EHBP1: variants seen among roughly 807,000 people sequenced by gnomAD.
EHBP1 encodes the protein EH domain binding protein 1.
Under a neutral mutation model 144.0 loss-of-function variants are expected in EHBP1, and 55 were observed. That is an observed-to-expected ratio of 0.38 (90% CI 0.31 to 0.48). The LOEUF (loss-of-function observed/expected upper bound fraction) is 0.48. Ranked by LOEUF, EHBP1 falls within the 20% of genes least tolerant of loss-of-function variation. The probability of loss-of-function intolerance (pLI) is 0.98; values close to 1 mark genes in which losing one functional copy is unlikely to be tolerated. For missense variants in EHBP1, 1,200 were observed against 1,364.2 expected, an observed-to-expected ratio of 0.88 and a Z score of 1.90; for synonymous variants, 469 against 472.7, an observed-to-expected ratio of 0.99 and a Z score of 0.10.
chr2:62,935,152 AC>A (rs1259502028), intron 10 of EHBP1, among the ~76,000 whole-genome samples: 1 of 151,802 alleles, frequency 6.6e-6, no homozygotes, highest in Non-Finnish European at 1.5e-5. Flanking sequence ...ACATGGTGAA[AC>A]CGTGTCTCTA....
At chr2:62,812,768 C>T (rs920755224) in intron 5 of EHBP1, among the ~76,000 whole-genome samples, 7 of 151,994 alleles carry the variant, frequency 4.6e-5, no homozygotes, top group South Asian at 2.1e-4. Flanking sequence ...GGAGATGCAT[C>T]GGGACTTTTC....
intron 1 of EHBP1, among the ~76,000 whole-genome samples, chr2:62,687,507 C>G (rs2033758854): frequency 1.3e-5 from 2 of 152,176 alleles, no homozygotes; most frequent in Non-Finnish European, 2.9e-5. Flanking sequence ...GGTTTCCCAT[C>G]TGTGTAGAAG....
chr2:62,858,625 T>G, intron 7 of EHBP1: 1 of 668,176 alleles, frequency 1.5e-6, no homozygotes, highest in Non-Finnish European at 2.5e-6. Flanking sequence ...TGCTTTTCCT[T>G]GAATGTTTTC....
rs1302666282 is a variant in EHBP1, at chr2:62,836,151, C to G, written c.634+4993C>G. ...AGCACGCAGCTGGAGATCTGAGAAC[C>G]GGCAGACTGCCTCCTCAAATGGGTC... On this transcript the variant is annotated intron_variant, in intron 7 of 22. Transcript: ENST00000431489. 8.1e-4 allele frequency among the ~76,000 whole-genome samples: 124 copies of G among 152,204 alleles called. 2 individuals carry two copies. The highest frequency in any genetic ancestry group is 2.7e-3 in the African/African-American group (113 of 41,538).
At chr2:62,820,694 G>A (rs2045881555) in intron 5 of EHBP1, among the ~76,000 whole-genome samples, 1 of 137,050 alleles carries the variant, frequency 7.3e-6, no homozygotes, top group African/African-American at 2.7e-5. Flanking sequence ...TTTTAAGGCT[G>A]AATAGTATTC....
chr2:62,855,978 G>C (rs1315374903), intron 7 of EHBP1, among the ~76,000 whole-genome samples: 2 of 152,104 alleles, frequency 1.3e-5, no homozygotes, highest in African/African-American at 4.8e-5. Context: ...CCACTCCAGG[G>C]TCTCCTCCCT....
intron 9 of EHBP1, among the ~76,000 whole-genome samples, chr2:62,869,706 T>G (rs1014347578): frequency 2.0e-5 from 3 of 152,260 alleles, no homozygotes; most frequent in African/African-American, 4.8e-5. Context: ...TTATCTTGAT[T>G]TGTGCTGATG....
intron 8 of EHBP1, among the ~76,000 whole-genome samples, chr2:62,863,848 T>TTTTG (rs2049830660): frequency 7.3e-6 from 1 of 136,400 alleles, no homozygotes; most frequent in African/African-American, 2.7e-5. Context: ...TTGTTTTTTT[T>TTTTG]TTTTTTTTTT....
chr2:63,011,984 A>G (rs1470383808), intron 19 of EHBP1, among the ~76,000 whole-genome samples: 1 of 151,972 alleles, frequency 6.6e-6, no homozygotes, highest in Admixed American at 6.6e-5. Flanking sequence ...AGTTCTAACA[A>G]AATATAAGTA....
intron 14 of EHBP1, among the ~76,000 whole-genome samples, chr2:62,968,036 G>A (rs895260291): frequency 1.2e-4 from 19 of 152,094 alleles, no homozygotes; most frequent in Non-Finnish European, 1.9e-4. Flanking sequence ...CAAAAGTACT[G>A]ATCGTAATGG....
intron 14 of EHBP1, among the ~76,000 whole-genome samples, chr2:62,965,688 T>A (rs2058215483): frequency 6.6e-6 from 1 of 152,226 alleles, no homozygotes; most frequent in Non-Finnish European, 1.5e-5. Context: ...TGTCAGTTGA[T>A]GTTCATGAAT....
intron 9 of EHBP1, 74 bp downstream of exon 9, chr2:62,865,045 C>CCA: frequency 6.7e-7 from 1 of 1,482,816 alleles, no homozygotes; most frequent in Non-Finnish European, 9.2e-7. Context: ...TGTAATGTAC[C>CCA]TTTAGATGGG....
intron 10 of EHBP1, among the ~76,000 whole-genome samples, chr2:62,925,595 G>A (rs1430990584): frequency 6.6e-6 from 1 of 152,072 alleles, no homozygotes; most frequent in Non-Finnish European, 1.5e-5. Flanking sequence ...TACAAAATTT[G>A]TATATTAAAA....
At chr2:62,722,912 T>G (rs1482668507) in intron 2 of EHBP1, among the ~76,000 whole-genome samples, 1 of 152,172 alleles carries the variant, frequency 6.6e-6, no homozygotes, top group Non-Finnish European at 1.5e-5. Context: ...TTGGCTGAGG[T>G]ATTTTATGTC....
intron 19 of EHBP1, among the ~76,000 whole-genome samples, chr2:63,019,242 A>G (rs1338741049): frequency 6.6e-6 from 1 of 152,218 alleles, no homozygotes; most frequent in Non-Finnish European, 1.5e-5. Flanking sequence ...CACAGACCAC[A>G]TTTGAGAAAC....
intron 15 of EHBP1, among the ~76,000 whole-genome samples, chr2:62,984,892 G>A (rs2059123188): frequency 6.6e-6 from 1 of 152,136 alleles, no homozygotes; most frequent in Non-Finnish European, 1.5e-5. Context: ...AAGAAAGTAG[G>A]TGCCATTTCC....
chr2:62,885,217 G>A (rs1397674177), intron 10 of EHBP1, among the ~76,000 whole-genome samples: 2 of 151,980 alleles, frequency 1.3e-5, no homozygotes, highest in Non-Finnish European at 2.9e-5. Flanking sequence ...GAAAATTCAT[G>A]AAAAAGCACC....
intron 19 of EHBP1, among the ~76,000 whole-genome samples, chr2:62,999,756 T>G (rs1233739119): frequency 6.6e-6 from 1 of 152,216 alleles, no homozygotes; most frequent in Non-Finnish European, 1.5e-5. Flanking sequence ...GTTTCCACTT[T>G]TAGCTACTAT....
At chr2:62,876,823 G>C (rs751105757) in intron 10 of EHBP1, among the ~76,000 whole-genome samples, 22 of 152,148 alleles carry the variant, frequency 1.4e-4, no homozygotes, top group Non-Finnish European at 2.8e-4. Flanking sequence ...CCATGATCCA[G>C]TCACATCTCA....
Sources: gnomAD v4.1 joint callset for allele counts (sites outside exome capture counted in the v4.1 genomes callset) on GRCh38, gnomAD v4.1.1 for gene constraint, MANE v1.5 for transcripts, NCBI Gene and HGNC (gene_info 2026-07-23, HGNC 2026-07-21) for gene names.